The following CCNJL variants were observed in gnomAD, a reference collection of about 807,000 sequenced individuals.
The protein encoded by CCNJL is cyclin J like.
Under a neutral mutation model 33.4 loss-of-function variants are expected in CCNJL, and 33 were observed. The observed-to-expected ratio is 0.99, with a 90% confidence interval of 0.75 to 1.32. The LOEUF is 1.32. Ranked by LOEUF, CCNJL falls within the 40% of genes most tolerant of loss-of-function variation. The pLI is 0.00. For synonymous variants in CCNJL, 227 were observed against 220.9 expected (o/e 1.03, Z -0.24); for missense variants, 512 against 499.7 (o/e 1.02, Z -0.23).
At chr5:160,256,122 C>G (rs779735275) in intron 4 of CCNJL, among the ~76,000 whole-genome samples, 1 of 152,166 alleles carries the variant, frequency 6.6e-6, no homozygotes, top group Non-Finnish European at 1.5e-5. Flanking sequence ...CTCCTGAGCT[C>G]AAGCAATCCT....
At position 160,291,577 on chromosome 5, in the gene CCNJL, A is replaced by G. The variant is rs190119775; in HGVS notation, c.67-10839T>C. ...GAAAAGGTGCCTGAGGGTGCCAGCT[A>G]CGGGGCACCTGGTATGCCAGCGAAA... On this transcript the variant is annotated intron_variant, in intron 2 of 5. Transcript: ENST00000257536. Among the ~76,000 whole-genome samples the G allele has an allele frequency of 1.9e-3, 297 of 152,326 alleles. 3 individuals are homozygous for G. Among genetic ancestry groups the G allele is most frequent in the African/African-American group, 6.6e-3 (276 of 41,576 alleles).
chr5:160,289,993 A>AG (rs1157222198), intron 2 of CCNJL, among the ~76,000 whole-genome samples: 1 of 152,124 alleles, frequency 6.6e-6, no homozygotes, highest in Admixed American at 6.5e-5. Flanking sequence ...ATAGCCGGGG[A>AG]GGGGGAGGAA....
chr5:160,261,687 C>T (rs1371761920), intron 3 of CCNJL, among the ~76,000 whole-genome samples: 5 of 152,150 alleles, frequency 3.3e-5, no homozygotes, highest in Admixed American at 2.6e-4. Flanking sequence ...AACCCCTCCC[C>T]GGGCTGGGAA....
chr5:160,326,145 TA>T (rs1763532978), intron 1 of CCNJL, among the ~76,000 whole-genome samples: 1 of 152,168 alleles, frequency 6.6e-6, no homozygotes, highest in Non-Finnish European at 1.5e-5. Flanking sequence ...TCATTCTTCT[TA>T]ATCCTCTTGA....
At position 160,253,482 on chromosome 5, in the gene CCNJL, G is replaced by T; in HGVS notation, c.1060C>A (p.His354Asn). The T allele has an allele frequency of 6.2e-7, 1 of 1,614,066 alleles. No homozygotes were observed. Among genetic ancestry groups the T allele is most frequent in the East Asian group, 2.2e-5 (1 of 44,880 alleles). Residue 354 changes from histidine to asparagine, a missense_variant, in exon 6 of 6, where the codon CAT becomes AAT. Coordinates refer to ENST00000257536, the MANE Select transcript of CCNJL (RefSeq NM_001308173.3). ...CTGGGCTCAGCTGCAATGGCCATAT[G>T]CATGCTAAGGGATGCAGGGACGGGC... ...PVPVPASLSM[H>N]MAIAAEPRHC...
Position 160,251,130 on chromosome 5 carries a change from A to T in CCNJL, c.*2248T>A, listed in dbSNP as rs531015079. The T allele has an allele frequency of 6.6e-6, 1 of 152,354 alleles. No individual in the cohort carries two copies. The highest frequency in any genetic ancestry group is 6.5e-5 in the Admixed American group (1 of 15,300). 9.4% of individuals were successfully genotyped at this position (152,354 alleles called of 1,614,324 possible). A position where few individuals can be genotyped will look rare whatever the true frequency, so the allele number is the denominator to read the frequency against. On this transcript the variant is annotated 3_prime_UTR_variant, in exon 6 of 6. Transcript: ENST00000257536. ...TTTACAATCAGTTGACTTTAAGAAA[A>T]GCCTCCATAATGTGGGTGGGCCTCA...
intron 2 of CCNJL, among the ~76,000 whole-genome samples, chr5:160,296,711 T>C (rs866248612): frequency 6.6e-6 from 1 of 152,196 alleles, no homozygotes; most frequent in African/African-American, 2.4e-5. Flanking sequence ...CTGACCAGGC[T>C]GCCCCTTGCA....
At chr5:160,334,208 G>A (rs892674890) in intron 1 of CCNJL, among the ~76,000 whole-genome samples, 1 of 152,030 alleles carries the variant, frequency 6.6e-6, no homozygotes, top group Non-Finnish European at 1.5e-5. Context: ...CTCGCCCACC[G>A]CTGTCATGCC....
rs1561812874 is a variant in CCNJL, at chr5:160,321,063, TTTCTTTCTTTCTTTCTTTCTTTCTTTCC to T, written n.207-5586_207-5559del. On this transcript the variant is annotated intron_variant and non_coding_transcript_variant, in intron 1 of 7. Transcript: ENST00000377503. ...CTTTCTTTCTTTCTTTCTTTCTTTC[TTTCTTTCTTTCTTTCTTTCTTTCTTTCC>T]TTCTCTCTTTCTCTCTCTCTCTTTT... is the stretch of plus-strand genomic sequence containing the variant. 1.4e-4 allele frequency among the ~76,000 whole-genome samples: 17 copies of T among 120,098 alleles called. 1 individual carries two copies. The highest frequency in any genetic ancestry group is 6.6e-4 in the African/African-American group (16 of 24,336). The allele number at this position is 120,098 out of a possible 152,430, so 78.8% of individuals were successfully genotyped here. A position where few individuals can be genotyped will look rare whatever the true frequency, so the allele number is the denominator to read the frequency against.
intron 3 of CCNJL, among the ~76,000 whole-genome samples, chr5:160,266,648 T>A (rs973948446): frequency 1.3e-5 from 2 of 152,172 alleles, no homozygotes; most frequent in African/African-American, 4.8e-5. Flanking sequence ...ATGACGGGCA[T>A]GTGGGAGGTG....
chr5:160,277,124 C>G (rs1762040882), intron 3 of CCNJL, among the ~76,000 whole-genome samples: 1 of 151,956 alleles, frequency 6.6e-6, no homozygotes, highest in African/African-American at 2.4e-5. Flanking sequence ...AACAAACAAA[C>G]AACAACAACA....
At chr5:160,260,323 G>T (rs1242456691) in intron 3 of CCNJL, among the ~76,000 whole-genome samples, 1 of 152,174 alleles carries the variant, frequency 6.6e-6, no homozygotes, top group Non-Finnish European at 1.5e-5. Flanking sequence ...CTTAGTGTGG[G>T]TTCCCTCTGG....
At chr5:160,299,610 G>A (rs1468557016) in intron 2 of CCNJL, among the ~76,000 whole-genome samples, 3 of 131,006 alleles carry the variant, frequency 2.3e-5, no homozygotes, top group Non-Finnish European at 5.0e-5. Flanking sequence ...TAGTTGTTAT[G>A]TTAAAAAAAA....
At chr5:160,318,503 A>G (rs1258411624) in intron 1 of CCNJL, among the ~76,000 whole-genome samples, 2 of 152,240 alleles carry the variant, frequency 1.3e-5, no homozygotes, top group African/African-American at 2.4e-5. Context: ...ACAGAAGGCA[A>G]TAGTATTCTA....
At chr5:160,269,461 A>G (rs779964830) in intron 3 of CCNJL, 1 of 456,274 alleles carries the variant, frequency 2.2e-6, no homozygotes, top group Non-Finnish European at 4.4e-6. Context: ...CTCCTAACTC[A>G]CCAGGGGCTG....
At chr5:160,268,091 T>C (rs1357933610) in intron 3 of CCNJL, among the ~76,000 whole-genome samples, 2 of 152,188 alleles carry the variant, frequency 1.3e-5, no homozygotes, top group South Asian at 4.1e-4. Context: ...CTTCTTGCAG[T>C]TATTGAAGGC....
At position 160,249,655 on chromosome 5, in the gene CCNJL, C is replaced by G. The variant is rs1312429127; in HGVS notation, c.*3723G>C. On this transcript the variant is annotated 3_prime_UTR_variant, in exon 6 of 6. Transcript: ENST00000257536. ...ACAGGTGCCTGTAGTCCCAGCTACT[C>G]AGGAGGCTGAGGTGGGAGGATCACT... is the stretch of plus-strand genomic sequence containing the variant. 2 of 151,918 alleles carry G rather than the reference C, an allele frequency of 1.3e-5. No homozygotes were observed. Among genetic ancestry groups the G allele is most frequent in the East Asian group, 3.9e-4 (2 of 5,170 alleles). The allele number at this position is 151,918 out of a possible 1,614,324, so 9.4% of individuals were successfully genotyped here. A position where few individuals can be genotyped will look rare whatever the true frequency, so the allele number is the denominator to read the frequency against.
chr5:160,313,564 C>G (rs1443961985), upstream of CCNJL, among the ~76,000 whole-genome samples: 2 of 152,144 alleles, frequency 1.3e-5, no homozygotes, highest in East Asian at 3.9e-4. Context: ...ATTAAATCAG[C>G]TTTGATAAGC....
At chr5:160,321,074 CTT>C (rs1265965783) in intron 1 of CCNJL, among the ~76,000 whole-genome samples, 68 of 112,200 alleles carry the variant, frequency 6.1e-4, no homozygotes, top group African/African-American at 3.3e-3. Context: ...TTCTTTCTTT[CTT>C]TCTTTCTTTC....
Sources: allele counts gnomAD v4.1 joint callset (sites outside exome capture counted in the v4.1 genomes callset), GRCh38; gene constraint gnomAD v4.1.1; transcripts MANE v1.5; gene names NCBI Gene and HGNC (gene_info 2026-07-23, HGNC 2026-07-21).